NME3: variants seen among roughly 807,000 people sequenced by gnomAD.
NME3 encodes the protein NME/NM23 nucleoside diphosphate kinase 3, also known as nucleoside diphosphate kinase C.
Under a neutral mutation model 15.8 loss-of-function variants are expected in NME3, and 23 were observed. The observed-to-expected ratio is 1.45, with a 90% CI of 1.05 to 2.06. The LOEUF (loss-of-function observed/expected upper bound fraction) is 2.06, where lower values mean the gene tolerates loss of function less well. Among genes scored for constraint, NME3 ranks in the 30% most tolerant of loss-of-function variants. The pLI is 0.00. For synonymous variants in NME3, 157 were observed against 104.4 expected (o/e 1.50, Z -3.07); for missense variants, 354 against 243.2 (o/e 1.46, Z -3.03).
Position 1,771,284 on chromosome 16 carries a change from A to C in NME3, c.173T>G (p.Val58Gly). 1 of 1,602,084 alleles carries C rather than the reference A, an allele frequency of 6.2e-7. No homozygotes were observed. The highest frequency in any genetic ancestry group is 2.2e-5 in the East Asian group (1 of 44,484). The change falls in exon 2 of 5, where the codon GTG becomes GGG. Residue 58 changes from valine to glycine, a missense_variant. Physicochemically the swap from Val to Gly is moderately radical, Grantham distance 109. Transcript: ENST00000219302. ...KGFKLVALKLVQASEELLREH... is the reference protein window; with the variant it reads ...KGFKLVALKLGQASEELLREH... ...GCTCGCTCACCGCGCCCCCACCTGCACCAGCTTCAGCGCCACCAACTTGAA... is the reference window on the plus strand; with the variant it reads ...GCTCGCTCACCGCGCCCCCACCTGCCCCAGCTTCAGCGCCACCAACTTGAA...
chr16:1,770,908 C>A lies in NME3; in HGVS notation c.365G>T (p.Arg122Leu), dbSNP rs1030732407. Residue 122 changes from arginine (R) to leucine (L), a missense_variant, in exon 4 of 5, where the codon CGC becomes CTC. By Grantham distance (102) the Arg-to-Leu change is moderately radical (BLOSUM62 -2). Coordinates refer to ENST00000219302, the MANE Select transcript of NME3 (RefSeq NM_002513.3). ...GCCAACCTCGATGCAGAAATCCCCG[C>A]GGATGGTGCCGGGCGGGGCGTCGGC... The part of the protein sequence containing the change: ...NPADAPPGTI[R>L]GDFCIEVGKN... The A allele has an allele frequency of 2.5e-6, 4 of 1,585,844 alleles. No individual in the cohort carries two copies. Among genetic ancestry groups the A allele is most frequent in the African/African-American group, 1.3e-5 (1 of 74,486 alleles).
intron 3 of NME3, 21 bp downstream of exon 3, chr16:1,771,049 G>T (rs779125689): frequency 5.6e-6 from 9 of 1,598,840 alleles, no homozygotes; most frequent in Non-Finnish European, 7.7e-6. Flanking sequence ...GGAGCCGCCC[G>T]CCCGCTTCCC....
rs777708137 is a variant in NME3, at chr16:1,771,246, ACACCGCGCCCCCGCTCGCT to A, written c.177+15_177+33del. ...CCAGGTCCCCGCTCCCCTTCCCCCCACACCGCGCCCCCGCTCGCTCACCGCGCCCCCACCTGCACCAGCT... is the reference window on the plus strand; with the variant it reads ...CCAGGTCCCCGCTCCCCTTCCCCCCACACCGCGCCCCCACCTGCACCAGCT... On this transcript the variant is annotated intron_variant, in intron 2 of 4. Coordinates refer to ENST00000219302, the MANE Select transcript of NME3 (RefSeq NM_002513.3). 2.3e-4 allele frequency: 228 copies of A among 989,722 alleles called. No homozygotes were observed. Among genetic ancestry groups the A allele is most frequent in the Admixed American group, 9.0e-4 (39 of 43,396 alleles). The allele number at this position is 989,722 out of a possible 1,614,324, so 61.3% of individuals were successfully genotyped here. A position where few individuals can be genotyped will look rare whatever the true frequency, so the allele number is the denominator to read the frequency against.
Position 1,770,669 on chromosome 16 carries a change from C to G in NME3, c.490G>C (p.Gly164Arg). Residue 164 changes from glycine (G) to arginine (R), a missense_variant, in exon 5 of 5, where the codon GGG becomes CGG. Gly to Arg is a moderately radical substitution (Grantham distance 125, BLOSUM62 -2). Transcript: ENST00000219302. ...DELLCWEDSA[G>R]HWLYE ...CCGGGCTACTCATACAGCCAGTGCC[C>G]AGCGCTGTCCTCCCAGCAGAGGAGC... is the stretch of plus-strand genomic sequence containing the variant. The G allele has an allele frequency of 6.3e-7, 1 of 1,583,178 alleles. No individual in the cohort carries two copies. The highest frequency in any genetic ancestry group is 1.1e-5 in the South Asian group (1 of 87,470).
In NME3 at chr16:1,770,596, G is replaced by C; in HGVS notation, c.*53C>G. On this transcript the variant is annotated 3_prime_UTR_variant, in exon 5 of 5. Transcript: ENST00000219302. ...GGTGGGGCCAGAAGCCCGCCCACCTGGGCCCTGGAGGAGGCTGGAGTGTGA... is the reference window on the plus strand; with the variant it reads ...GGTGGGGCCAGAAGCCCGCCCACCTCGGCCCTGGAGGAGGCTGGAGTGTGA... The C allele has an allele frequency of 7.0e-7, 1 of 1,423,868 alleles. No homozygotes were observed. Among genetic ancestry groups the C allele is most frequent in the Non-Finnish European group, 9.5e-7 (1 of 1,050,604 alleles). The allele number at this position is 1,423,868 out of a possible 1,614,324, so 88.2% of individuals were successfully genotyped here.
Position 1,770,403 on chromosome 16 carries a change from A to T in NME3, c.*246T>A. The T allele has an allele frequency of 2.3e-6, 1 of 432,046 alleles. No individual in the cohort carries two copies. Among genetic ancestry groups the T allele is most frequent in the Non-Finnish European group, 4.1e-6 (1 of 243,772 alleles). 26.8% of individuals were successfully genotyped at this position (432,046 alleles called of 1,614,324 possible). On this transcript the variant is annotated 3_prime_UTR_variant, in exon 5 of 5. Transcript: ENST00000219302. ...GGACCACGTTGGGCTGGGCACCAGG[A>T]CAGTGTCCTGGCACGTTTCCAGGCG...
intron 2 of NME3, 36 bp from the exon 3 acceptor site, chr16:1,771,207 G>A (rs2042591110): frequency 8.3e-6 from 13 of 1,575,444 alleles, no homozygotes; most frequent in East Asian, 2.3e-5. Context: ...CCCGCACCCG[G>A]CACCTAGGCG....
rs778675763 is a variant in NME3, at chr16:1,770,730, G to A, written c.429C>T (p.Ala143=). Residue 143 remains alanine, a synonymous_variant, in exon 5 of 5, where the codon GCC becomes GCT. Coordinates refer to ENST00000219302, the MANE Select transcript of NME3 (RefSeq NM_002513.3). ...LIHGSDSVES[A]RREIALWFRA... ...GGAACCAGAGAGCGATCTCGCGGCG[G>A]GCACTCTCCACCGAGTCGCTGCCGT... is the stretch of plus-strand genomic sequence containing the variant. 24 of 1,595,730 alleles carry A rather than the reference G, an allele frequency of 1.5e-5. No individual in the cohort carries two copies. The East Asian group carries it at 5.0e-4, about 33-fold the overall frequency.
At position 1,770,609 on chromosome 16, in the gene NME3, G is replaced by C. The variant is rs756213247; in HGVS notation, c.*40C>G. 4.7e-6 allele frequency: 7 copies of C among 1,497,556 alleles called. No individual in the cohort carries two copies. The African/African-American group carries it at 6.9e-5, about 15-fold the overall frequency. 92.8% of individuals were successfully genotyped at this position (1,497,556 alleles called of 1,614,324 possible). ...GCCCGCCCACCTGGGCCCTGGAGGAGGCTGGAGTGTGAGAGCCTCTGTGAC... is the reference window on the plus strand; with the variant it reads ...GCCCGCCCACCTGGGCCCTGGAGGACGCTGGAGTGTGAGAGCCTCTGTGAC... On this transcript the variant is annotated 3_prime_UTR_variant, in exon 5 of 5. Transcript: ENST00000219302.
At chr16:1,771,200 G>A in intron 2 of NME3, 29 bp from the exon 3 acceptor site, 2 of 1,578,276 alleles carry the variant, frequency 1.3e-6, no homozygotes, top group Non-Finnish European at 1.7e-6. Context: ...GCCTGCGCCC[G>A]CACCCGGCAC....
In NME3 at chr16:1,771,423, C is replaced by CG; in HGVS notation, c.47-14dup. The CG allele has an allele frequency of 2.0e-6, 3 of 1,523,516 alleles. No individual in the cohort carries two copies. Among genetic ancestry groups the CG allele is most frequent in the Non-Finnish European group, 2.6e-6 (3 of 1,138,212 alleles). 94.4% of individuals were successfully genotyped at this position (1,523,516 alleles called of 1,614,324 possible). On this transcript the variant is annotated splice_polypyrimidine_tract_variant and intron_variant, in intron 1 of 4. Coordinates refer to ENST00000219302, the MANE Select transcript of NME3 (RefSeq NM_002513.3). Reference sequence around the variant, plus strand: ...GCGCCGGTGCAGGCTGCGGGGCAGGCGGGGACGGGCCGTCAGGCCGGCCCA... The same window carrying CG: ...GCGCCGGTGCAGGCTGCGGGGCAGGCGGGGGACGGGCCGTCAGGCCGGCCCA...
In NME3 at chr16:1,771,099, A is replaced by T; in HGVS notation, c.250T>A (p.Tyr84Asn). The part of the protein sequence containing the change: ...ERPFYGRLVK[Y>N]MASGPVVAMV... ...GCCACCACCGGCCCGGAGGCCATAT[A>T]CTTGACAAGGCGGCCGTAGAACGGG... The change falls in exon 3 of 5, where the codon TAT becomes AAT. Residue 84 changes from tyrosine to asparagine, a missense_variant. Physicochemically the swap from Tyr to Asn is moderately radical, Grantham distance 143. Coordinates refer to ENST00000219302, the MANE Select transcript of NME3 (RefSeq NM_002513.3). 1 of 1,610,362 alleles carries T rather than the reference A, an allele frequency of 6.2e-7. No individual in the cohort carries two copies. The highest frequency in any genetic ancestry group is 8.5e-7 in the Non-Finnish European group (1 of 1,179,194).
chr16:1,770,794 G>A (rs751262256), intron 4 of NME3, 28 bp from the exon 5 acceptor site: 5 of 1,593,224 alleles, frequency 3.1e-6, no homozygotes, highest in East Asian at 4.5e-5. Context: ...GTGTGAGCGT[G>A]GGAAAGAGAC....
At position 1,771,512 on chromosome 16, in the gene NME3, A is replaced by G; in HGVS notation, c.23T>C (p.Ile8Thr). The change falls in exon 1 of 5, where the codon ATC (isoleucine) becomes ACC (threonine). Residue 8 changes from isoleucine (I) to threonine (T), a missense_variant. Physicochemically the swap from Ile to Thr is moderately conservative, Grantham distance 89 (BLOSUM62 -1). Coordinates refer to ENST00000219302, the MANE Select transcript of NME3 (RefSeq NM_002513.3). MICLVLT[I>T]FANLFPAACT... Reference sequence around the variant, plus strand: ...ACCCGCGGGGAAGAGGTTAGCGAAGATGGTCAGCACCAGGCAGATCATGAT... The same window carrying G: ...ACCCGCGGGGAAGAGGTTAGCGAAGGTGGTCAGCACCAGGCAGATCATGAT... 2 of 1,284,156 alleles carry G rather than the reference A, an allele frequency of 1.6e-6. No homozygotes were observed. The highest frequency in any genetic ancestry group is 2.0e-6 in the Non-Finnish European group (2 of 1,004,864). The allele number at this position is 1,284,156 out of a possible 1,614,324, so 79.5% of individuals were successfully genotyped here. A position where few individuals can be genotyped will look rare whatever the true frequency, so the allele number is the denominator to read the frequency against.
At position 1,771,418 on chromosome 16, in the gene NME3, G is replaced by A. The variant is rs1163258564; in HGVS notation, c.47-8C>T. 4 of 1,533,078 alleles carry A rather than the reference G, an allele frequency of 2.6e-6. No individual in the cohort carries two copies. Among genetic ancestry groups the A allele is most frequent in the East Asian group, 2.5e-5 (1 of 39,560 alleles). The allele number at this position is 1,533,078 out of a possible 1,614,324, so 95.0% of individuals were successfully genotyped here. On this transcript the variant is annotated splice_polypyrimidine_tract_variant and splice_region_variant and intron_variant, in intron 1 of 4. Coordinates refer to ENST00000219302, the MANE Select transcript of NME3 (RefSeq NM_002513.3). ...CGTGTGCGCCGGTGCAGGCTGCGGG[G>A]CAGGCGGGGACGGGCCGTCAGGCCG...
rs879202171 is a variant in NME3, at chr16:1,771,010, G to C, written c.280-17C>G. The C allele has an allele frequency of 1.9e-6, 3 of 1,593,672 alleles. No homozygotes were observed. Among genetic ancestry groups the C allele is most frequent in the South Asian group, 1.1e-5 (1 of 89,962 alleles). On this transcript the variant is annotated splice_polypyrimidine_tract_variant and intron_variant, in intron 3 of 4. Transcript: ENST00000219302. Reference sequence around the variant, plus strand: ...CTGCCATACCTGTGCGGAGGAACGGGCGCGGTATCACGCGGGGGTGGGGGT... The same window carrying C: ...CTGCCATACCTGTGCGGAGGAACGGCCGCGGTATCACGCGGGGGTGGGGGT...
intron 4 of NME3, 39 bp downstream of exon 4, chr16:1,770,842 G>C: frequency 6.4e-7 from 1 of 1,569,088 alleles, no homozygotes; most frequent in South Asian, 1.2e-5. Context: ...ACAGGGGGAG[G>C]CCGGACGGGG....
At chr16:1,770,848 C>A (rs1333857668) in intron 4 of NME3, 33 bp downstream of exon 4, 4 of 1,569,332 alleles carry the variant, frequency 2.5e-6, no homozygotes, top group South Asian at 2.3e-5. Context: ...GGAGGCCGGA[C>A]GGGGCTGGGA....
rs1435683892 is a variant in NME3, at chr16:1,771,322, G to A, written c.135C>T (p.Phe45=). The part of the protein sequence containing the change: ...RRLVGEIVRR[F]ERKGFKLVAL... Reference sequence around the variant, plus strand: ...CCACCAACTTGAAGCCCTTCCTCTCGAAGCGCCGCACAATCTCGCCCACCA... The same window carrying A: ...CCACCAACTTGAAGCCCTTCCTCTCAAAGCGCCGCACAATCTCGCCCACCA... Residue 45 remains phenylalanine, a synonymous_variant, in exon 2 of 5, where the codon TTC becomes TTT. Transcript: ENST00000219302. The A allele has an allele frequency of 1.2e-6, 2 of 1,604,444 alleles. No homozygotes were observed. The highest frequency in any genetic ancestry group is 1.7e-6 in the Non-Finnish European group (2 of 1,176,986).
Sources: gnomAD v4.1 joint callset for allele counts on GRCh38, gnomAD v4.1.1 for gene constraint, MANE v1.5 for transcripts, NCBI Gene and HGNC (gene_info 2026-07-23, HGNC 2026-07-21) for gene names.